The following ZZEF1 variants were observed in gnomAD, a reference collection of about 807,000 sequenced individuals.
ZZEF1 encodes the protein zinc finger ZZ-type and EF-hand domain containing 1.
In ZZEF1, 157 loss-of-function variants were observed where a neutral mutation model predicts 342.8. That is an observed-to-expected ratio of 0.46 (90% CI 0.40 to 0.52). The LOEUF (loss-of-function observed/expected upper bound fraction) is 0.52, where lower values mean the gene tolerates loss of function less well. ZZEF1 is among the 20% of genes least tolerant of loss of function. The pLI is 0.00. For synonymous variants in ZZEF1, 1,505 were observed against 1,429.1 expected, an observed-to-expected ratio of 1.05 and a Z score of -1.20; for missense variants, 3,480 against 3,725.6, an observed-to-expected ratio of 0.93 and a Z score of 1.72.
chr17:4,010,625 T>C (rs1046970401), intron 52 of ZZEF1, among the ~76,000 whole-genome samples: 22 of 142,236 alleles, frequency 1.5e-4, no homozygotes, highest in Middle Eastern at 4.0e-3. Flanking sequence ...CTAGGGAGGC[T>C]GAGGCAGAAG....
rs1334863793 is a variant in ZZEF1, at chr17:4,034,049, G to A, written c.6550C>T (p.Leu2184=). 2.5e-6 allele frequency: 4 copies of A among 1,614,098 alleles called. No homozygotes were observed. Among genetic ancestry groups the A allele is most frequent in the Non-Finnish European group, 3.4e-6 (4 of 1,180,056 alleles). Residue 2184 remains leucine (L), a synonymous_variant, in exon 40 of 55, where the codon CTG becomes TTG. Transcript: ENST00000381638. The stretch of plus-strand genomic sequence containing the variant: ...CACACAGCTCCCAGGCTAAAGAGCA[G>A]GTGGGTGGTTTTCCAGCCATCTGGC... ...IVPDGWKTTH[L]LFSLGAVCLD...
In ZZEF1 at chr17:4,069,932, G is replaced by C. The variant is rs573122401; in HGVS notation, c.4075+752C>G. ...TCTCCCGCCTGCGCTGCGTGGAGAAGACATACCCTGCCAGGCGGTTAGGAA... is the reference window on the plus strand; with the variant it reads ...TCTCCCGCCTGCGCTGCGTGGAGAACACATACCCTGCCAGGCGGTTAGGAA... On this transcript the variant is annotated intron_variant, in intron 26 of 54. Coordinates refer to ENST00000381638, the MANE Select transcript of ZZEF1 (RefSeq NM_015113.4). 3.3e-5 allele frequency among the ~76,000 whole-genome samples: 5 copies of C among 152,368 alleles called. No homozygotes were observed. In the East Asian group the frequency reaches 9.6e-4, roughly 29 times the overall value.
intron 45 of ZZEF1, 26 bp from the exon 46 acceptor site, chr17:4,019,795 A>G: frequency 6.4e-7 from 1 of 1,563,572 alleles, no homozygotes; most frequent in South Asian, 1.1e-5. Flanking sequence ...GGACGCAGAC[A>G]AGAACCATTA....
chr17:4,097,183 C>G (rs904973717), intron 9 of ZZEF1, among the ~76,000 whole-genome samples: 3 of 151,510 alleles, frequency 2.0e-5, no homozygotes, highest in African/African-American at 7.3e-5. Flanking sequence ...ATGGCGTGAA[C>G]CCGGGAGGCG....
At chr17:4,087,377 T>G in intron 14 of ZZEF1, 57 bp downstream of exon 14, 1 of 1,426,288 alleles carries the variant, frequency 7.0e-7, no homozygotes. Flanking sequence ...CTTAGAATAG[T>G]AAAACTCATT....
At chr17:4,121,699 G>A (rs1196467720) in intron 2 of ZZEF1, among the ~76,000 whole-genome samples, 2 of 151,834 alleles carry the variant, frequency 1.3e-5, no homozygotes, top group East Asian at 3.9e-4. Flanking sequence ...CATAATTAAA[G>A]ACAACCTGAA....
At position 4,005,106 on chromosome 17, in the gene ZZEF1, A is replaced by C. The variant is rs1167846915; in HGVS notation, c.*1784T>G. 6.6e-6 allele frequency: 1 copy of C among 152,336 alleles called. No individual in the cohort carries two copies. Among genetic ancestry groups the C allele is most frequent in the East Asian group, 1.9e-4 (1 of 5,202 alleles). The allele number at this position is 152,336 out of a possible 1,614,324, so 9.4% of individuals were successfully genotyped here. A position where few individuals can be genotyped will look rare whatever the true frequency, so the allele number is the denominator to read the frequency against. ...TCGTCTACCTTCCAGGTTGGCTGTG[A>C]GTCTGAGCACGCAGCGGGGCCTCCC... On this transcript the variant is annotated 3_prime_UTR_variant, in exon 55 of 55. Transcript: ENST00000381638.
At chr17:4,139,648 G>T (rs771680343) in intron 1 of ZZEF1, among the ~76,000 whole-genome samples, 2 of 152,176 alleles carry the variant, frequency 1.3e-5, no homozygotes, top group Non-Finnish European at 2.9e-5. Context: ...TCTTTGGCTA[G>T]TCCTAACTTA....
At chr17:4,007,336 A>T (rs566366016) in intron 54 of ZZEF1, among the ~76,000 whole-genome samples, 4 of 152,254 alleles carry the variant, frequency 2.6e-5, no homozygotes, top group Non-Finnish European at 5.9e-5. Flanking sequence ...GGGAGTAGAG[A>T]AAACAGGGCC....
intron 13 of ZZEF1, among the ~76,000 whole-genome samples, chr17:4,087,940 G>T (rs1055913989): frequency 2.0e-5 from 3 of 152,104 alleles, no homozygotes; most frequent in Admixed American, 1.3e-4. Context: ...TGGACTGAAA[G>T]GTATCAATCC....
chr17:4,082,010 T>G (rs958722637), intron 17 of ZZEF1, among the ~76,000 whole-genome samples: 1 of 152,222 alleles, frequency 6.6e-6, no homozygotes, highest in African/African-American at 2.4e-5. Flanking sequence ...TAATGAAGCC[T>G]GTAGGCCCAT....
intron 11 of ZZEF1, among the ~76,000 whole-genome samples, 168 bp downstream of exon 11, chr17:4,095,663 T>C (rs2058021097): frequency 6.6e-6 from 1 of 152,226 alleles, no homozygotes; most frequent in Admixed American, 6.5e-5. Flanking sequence ...TCTTCAGATA[T>C]GCTACTAGAA....
Position 4,064,585 on chromosome 17 carries a change from T to C in ZZEF1, c.4494A>G (p.Pro1498=), listed in dbSNP as rs926431554. 17 of 1,614,040 alleles carry C rather than the reference T, an allele frequency of 1.1e-5. No individual in the cohort carries two copies. Among genetic ancestry groups the C allele is most frequent in the African/African-American group, 9.3e-5 (7 of 74,904 alleles). ...SPGLGTQPKL[P]SSSGLPAADV... ...CTGCAGCAGGAAGGCCACTGCTGGA[T>C]GGCAGCTTTGGCTGGGTGCCCAGGC... Residue 1498 remains proline (P), a synonymous_variant, in exon 29 of 55, where the codon CCA becomes CCG. Transcript: ENST00000381638.
chr17:4,088,964 G>C, intron 12 of ZZEF1, 71 bp from the exon 13 acceptor site: 1 of 1,456,032 alleles, frequency 6.9e-7, no homozygotes, highest in South Asian at 1.2e-5. Flanking sequence ...AGGGAAAAAG[G>C]CCTTTCCGGG....
rs1288587833 is a variant in ZZEF1 at position 4,112,188 on chromosome 17, C to T, written c.1066+421G>A. On this transcript the variant is annotated intron_variant, in intron 5 of 54. Transcript: ENST00000381638. ...TGAGATGGAGTCTTGCTCTGTCACCCAGGCTGGAGTGCAGTGGTGTGATCT... is the reference window on the plus strand; with the variant it reads ...TGAGATGGAGTCTTGCTCTGTCACCTAGGCTGGAGTGCAGTGGTGTGATCT... 3.3e-5 allele frequency among the ~76,000 whole-genome samples: 5 copies of T among 150,076 alleles called. No individual in the cohort carries two copies. In the East Asian group the frequency reaches 9.8e-4, roughly 29 times the overall value.
rs767367719 is a variant in ZZEF1, at chr17:4,062,881, G to T, written c.4755C>A (p.Ala1585=). 1.2e-6 allele frequency: 2 copies of T among 1,612,712 alleles called. No individual in the cohort carries two copies. The highest frequency in any genetic ancestry group is 1.7e-6 in the Non-Finnish European group (2 of 1,179,570). Residue 1585 remains alanine, a synonymous_variant, in exon 30 of 55, where the codon GCC becomes GCA. Coordinates refer to ENST00000381638, the MANE Select transcript of ZZEF1 (RefSeq NM_015113.4). The part of the protein sequence containing the change: ...VKVLSLRKAQ[A]QSILEVLKIT... ...TCTTCAGGACTTCCAGGATGCTCTG[G>T]GCCTGGGCTTTCCTCAGGGAAAGAA...
chr17:4,032,726 A>T, intron 41 of ZZEF1, 102 bp downstream of exon 41: 1 of 1,265,870 alleles, frequency 7.9e-7, no homozygotes, highest in Non-Finnish European at 1.1e-6. Flanking sequence ...AAAAGCTTCC[A>T]AAGAGATCTA....
At position 4,095,996 on chromosome 17, in the gene ZZEF1, G is replaced by C. The variant is rs377212651; in HGVS notation, c.1765-17C>G. 1 of 1,590,136 alleles carries C rather than the reference G, an allele frequency of 6.3e-7. No homozygotes were observed. The highest frequency in any genetic ancestry group is 8.6e-7 in the Non-Finnish European group (1 of 1,166,124). Reference sequence around the variant, plus strand: ...ACGTCGAACCTGGAAACAGAGATTAGGATGAAGTCTATCAAAGGGGCAAAA... The same window carrying C: ...ACGTCGAACCTGGAAACAGAGATTACGATGAAGTCTATCAAAGGGGCAAAA... On this transcript the variant is annotated splice_polypyrimidine_tract_variant and intron_variant, in intron 10 of 54. Transcript: ENST00000381638.
chr17:4,133,956 T>C (rs1207937379), intron 1 of ZZEF1, among the ~76,000 whole-genome samples: 3 of 152,172 alleles, frequency 2.0e-5, no homozygotes, highest in Non-Finnish European at 4.4e-5. Context: ...CCTCCTGCCT[T>C]GGCCTCCCAG....
Sources: gnomAD v4.1 joint callset for allele counts (sites outside exome capture counted in the v4.1 genomes callset) on GRCh38, gnomAD v4.1.1 for gene constraint, MANE v1.5 for transcripts, NCBI Gene and HGNC (gene_info 2026-07-23, HGNC 2026-07-21) for gene names.